CEP350: variants seen among roughly 807,000 people sequenced by gnomAD.
The protein encoded by CEP350 is centrosome-associated protein 350.
In CEP350, 126 loss-of-function variants were observed where a neutral mutation model predicts 331.8. The observed-to-expected ratio is 0.38, with a 90% CI of 0.33 to 0.44. The LOEUF is 0.44. CEP350 is among the 20% of genes least tolerant of loss of function. CEP350 has a pLI of 1.00. For missense variants in CEP350, 3,406 were observed against 3,634.6 expected (o/e 0.94, Z 1.62); for synonymous variants, 1,200 against 1,259.5 (o/e 0.95, Z 1.00).
At chr1:180,028,672 C>T (rs532759537) in intron 14 of CEP350, among the ~76,000 whole-genome samples, 96 of 152,038 alleles carry the variant, frequency 6.3e-4, no homozygotes, top group African/African-American at 1.6e-3. Context: ...GGCGTGGTGG[C>T]GCACACCTGT....
Position 180,024,418 on chromosome 1 carries a change from G to A in CEP350, c.3387-1G>A. 1 of 1,604,850 alleles carries A rather than the reference G, an allele frequency of 6.2e-7. No individual in the cohort carries two copies. The highest frequency in any genetic ancestry group is 8.5e-7 in the Non-Finnish European group (1 of 1,176,054). ...AACTACTATTATTTATTCTTTGACA[G>A]TAGCACTTTAAGCCCTCAGGAGGAC... is the stretch of plus-strand genomic sequence containing the variant. On this transcript the variant is annotated splice_acceptor_variant, in intron 13 of 37. Transcript: ENST00000367607. LOFTEE classifies it high-confidence loss of function.
intron 4 of CEP350, among the ~76,000 whole-genome samples, chr1:179,991,707 G>A (rs2477108): frequency 0.042 from 4,081 of 96,800 alleles, 151 homozygotes; most frequent in Admixed American, 0.15. Flanking sequence ...GTGTGTGTGT[G>A]TATATATATA....
intron 14 of CEP350, among the ~76,000 whole-genome samples, chr1:180,028,025 C>T (rs1233103570): frequency 1.3e-5 from 2 of 152,262 alleles, no homozygotes; most frequent in African/African-American, 4.8e-5. Context: ...CTTTGTAGGA[C>T]ATTTAGACAT....
At chr1:180,036,249 G>A (rs1009745176) in intron 16 of CEP350, among the ~76,000 whole-genome samples, 1 of 152,162 alleles carries the variant, frequency 6.6e-6, no homozygotes, top group Non-Finnish European at 1.5e-5. Flanking sequence ...TCTTGAGATG[G>A]AATCTACTCC....
In CEP350 at chr1:180,093,976, A is replaced by G. The variant is rs1018583238; in HGVS notation, c.7871A>G (p.Glu2624Gly). The G allele has an allele frequency of 1.2e-6, 2 of 1,613,760 alleles. No individual in the cohort carries two copies. Among genetic ancestry groups the G allele is most frequent in the African/African-American group, 2.7e-5 (2 of 74,924 alleles). Reference protein sequence around the residue: ...EKSLPSVNDIEASVNRSRSLK... With the variant: ...EKSLPSVNDIGASVNRSRSLK... ...TCCCTACCTAGTGTGAATGATATAG[A>G]AGCCTCAGTTAATAGAAGTAGAAGC... Residue 2624 changes from glutamate to glycine, a missense_variant, in exon 34 of 38, where the codon GAA (glutamate) becomes GGA (glycine). Glu to Gly is a moderately conservative substitution (Grantham distance 98). Coordinates refer to ENST00000367607, the MANE Select transcript of CEP350 (RefSeq NM_014810.5).
At chr1:179,968,732 G>C in intron 1 of CEP350, 1 of 593,230 alleles carries the variant, frequency 1.7e-6, no homozygotes, top group Non-Finnish European at 3.2e-6. Context: ...GATGGCACCA[G>C]CCTTGACTTC....
At chr1:180,006,612 A>C (rs775091966) in intron 8 of CEP350, 45 bp downstream of exon 8, 1 of 960,592 alleles carries the variant, frequency 1.0e-6, no homozygotes, top group South Asian at 1.4e-5. Flanking sequence ...GTTTTTAATT[A>C]ATGTTTTCAT....
At chr1:179,974,243 C>A (rs1301965547) in intron 1 of CEP350, among the ~76,000 whole-genome samples, 2 of 152,102 alleles carry the variant, frequency 1.3e-5, no homozygotes, top group Non-Finnish European at 2.9e-5. Context: ...CCACGTCTGG[C>A]TAATTTTTTG....
chr1:179,969,081 CAG>C, intron 1 of CEP350: 1 of 701,176 alleles, frequency 1.4e-6, no homozygotes, highest in African/African-American at 1.7e-5. Context: ...CTGTGTAACA[CAG>C]AGTCTCCTTT....
intron 5 of CEP350, among the ~76,000 whole-genome samples, chr1:179,994,730 AG>A (rs1201502503): frequency 6.6e-6 from 1 of 152,128 alleles, no homozygotes. Flanking sequence ...CTGAGATTAC[AG>A]GTGTGAGCCA....
chr1:180,063,044 CTTAT>C, intron 26 of CEP350, among the ~76,000 whole-genome samples: 1 of 152,194 alleles, frequency 6.6e-6, no homozygotes, highest in African/African-American at 2.4e-5. Flanking sequence ...GGGCTTTGCT[CTTAT>C]TTATCAATCC....
intron 1 of CEP350, among the ~76,000 whole-genome samples, chr1:179,957,748 A>G (rs887522078): frequency 1.3e-5 from 2 of 152,206 alleles, no homozygotes; most frequent in African/African-American, 4.8e-5. Context: ...TTAAAAAGCC[A>G]CTGGGAATAA....
At chr1:180,066,492 G>A (rs141784835) in intron 27 of CEP350, among the ~76,000 whole-genome samples, 91 of 152,278 alleles carry the variant, frequency 6.0e-4, no homozygotes, top group African/African-American at 1.8e-3. Context: ...TTTTGCAACA[G>A]TCAAGAGTTG....
At chr1:179,963,028 G>C (rs114323844) in intron 1 of CEP350, among the ~76,000 whole-genome samples, 2,036 of 152,170 alleles carry the variant, frequency 0.013, 58 homozygotes, top group African/African-American at 0.046. Flanking sequence ...GATGGTATCA[G>C]TGTGGTTTTA....
intron 1 of CEP350, among the ~76,000 whole-genome samples, chr1:179,977,888 G>A (rs570441764): frequency 4.5e-4 from 68 of 150,812 alleles, no homozygotes; most frequent in African/African-American, 1.6e-3. Context: ...TATTCTGTAA[G>A]CTTTTGTTCA....
At chr1:180,099,072 A>G in intron 37 of CEP350, 87 bp downstream of exon 37, 2 of 1,302,076 alleles carry the variant, frequency 1.5e-6, no homozygotes, top group Non-Finnish European at 1.0e-6. Flanking sequence ...AAAGGGATAG[A>G]CTTATTCTTA....
chr1:180,100,441 T>C (rs1660735387), intron 37 of CEP350, among the ~76,000 whole-genome samples: 1 of 152,216 alleles, frequency 6.6e-6, no homozygotes. Context: ...GAAAAAAGCA[T>C]ATTAAGAGGC....
At chr1:179,975,825 A>G (rs1045002557) in intron 1 of CEP350, among the ~76,000 whole-genome samples, 14 of 152,198 alleles carry the variant, frequency 9.2e-5, no homozygotes, top group African/African-American at 3.1e-4. Flanking sequence ...AAATAGATCT[A>G]AGGAGGAAAT....
intron 1 of CEP350, among the ~76,000 whole-genome samples, chr1:179,979,845 T>G (rs1297299831): frequency 1.3e-5 from 2 of 151,976 alleles, no homozygotes; most frequent in East Asian, 3.8e-4. Context: ...AAAAAATCAG[T>G]TGGCTATAAA....
Sources: gnomAD v4.1 joint callset for allele counts (sites outside exome capture counted in the v4.1 genomes callset) on GRCh38, gnomAD v4.1.1 for gene constraint, MANE v1.5 for transcripts, NCBI Gene and HGNC (gene_info 2026-07-23, HGNC 2026-07-21) for gene names.